CD177: variants seen among roughly 807,000 people sequenced by gnomAD.
CD177 encodes the protein CD177 molecule.
In CD177, 41 loss-of-function variants were observed where a neutral mutation model predicts 38.1. The observed-to-expected ratio is 1.07, with a 90% CI of 0.84 to 1.39. The LOEUF (loss-of-function observed/expected upper bound fraction) is 1.39. Ranked by LOEUF, CD177 falls within the 40% of genes most tolerant of loss-of-function variation. The pLI is 0.00. For synonymous variants in CD177, 236 were observed against 216.7 expected (o/e 1.09, Z -0.78); for missense variants, 619 against 523.8 (o/e 1.18, Z -1.77).
At chr19:43,354,462 G>C (rs1273165041) in intron 3 of CD177, 70 bp downstream of exon 3, 1 of 1,513,888 alleles carries the variant, frequency 6.6e-7, no homozygotes, top group African/African-American at 1.4e-5. Context: ...CAGAGGGGCT[G>C]TTACGGAGTC....
Position 43,353,709 on chromosome 19 carries a change from C to T in CD177, c.-6C>T, listed in dbSNP as rs369204118. ...GCAGAAAGAGATTACCAGCCACAGA[C>T]GGGTCATGAGCGCGGTATTACTGCT... On this transcript the variant is annotated 5_prime_UTR_variant, in exon 1 of 9. In the 5' UTR this introduces an upstream ATG that the reference lacks. Transcript: ENST00000618265. 3.7e-5 allele frequency: 60 copies of T among 1,613,816 alleles called. No individual in the cohort carries two copies. The highest frequency in any genetic ancestry group is 2.7e-4 in the East Asian group (12 of 44,842).
chr19:43,361,028 A>G (rs2122248040), intron 6 of CD177, 115 bp from the exon 7 acceptor site: 2 of 622,892 alleles, frequency 3.2e-6, no homozygotes, highest in African/African-American at 3.7e-5. Flanking sequence ...AGTTGTGATC[A>G]GGGCATTCAC....
intron 5 of CD177, 132 bp from the exon 6 acceptor site, chr19:43,360,133 G>C: frequency 9.2e-7 from 1 of 1,082,736 alleles, no homozygotes; most frequent in Admixed American, 2.5e-5. Flanking sequence ...CTGAATCCTT[G>C]GTTAAGGGAA....
chr19:43,354,610 G>C lies in CD177; in HGVS notation c.379+218G>C. On this transcript the variant is annotated intron_variant, in intron 3 of 8. Coordinates refer to ENST00000618265, the MANE Select transcript of CD177 (RefSeq NM_020406.4). ...TCCCTCCCACCGACCTGCCACCCGG[G>C]AATCCCCGCACCCCTCCTCTTCTAA... 3 of 600,878 alleles carry C rather than the reference G, an allele frequency of 5.0e-6. No individual in the cohort carries two copies. In the South Asian group the frequency reaches 5.9e-5, roughly 12 times the overall value. The allele number at this position is 600,878 out of a possible 1,614,324, so 37.2% of individuals were successfully genotyped here.
chr19:43,361,756 A>G (rs1216414020), intron 8 of CD177, among the ~76,000 whole-genome samples, 177 bp downstream of exon 8: 2 of 83,152 alleles, frequency 2.4e-5, no homozygotes, highest in African/African-American at 9.5e-5. Flanking sequence ...CTGAGGGAGG[A>G]GGCGCTGGGG....
intron 5 of CD177, 34 bp from the exon 6 acceptor site, chr19:43,360,231 T>G: frequency 6.2e-7 from 1 of 1,608,368 alleles, no homozygotes. Context: ...GGTGGGTTCC[T>G]GGCTTACACA....
At chr19:43,355,814 G>T in intron 4 of CD177, 31 bp downstream of exon 4, 2 of 1,612,640 alleles carry the variant, frequency 1.2e-6, no homozygotes, top group South Asian at 2.2e-5. Context: ...TCCCTGTGGG[G>T]ACTGAACTGG....
In CD177 at chr19:43,354,243, C is replaced by G; in HGVS notation, c.230C>G (p.Thr77Arg). 2.5e-6 allele frequency: 4 copies of G among 1,613,696 alleles called. No individual in the cohort carries two copies. The highest frequency in any genetic ancestry group is 3.4e-6 in the Non-Finnish European group (4 of 1,179,784). The change falls in exon 3 of 9, where the codon ACG (threonine) becomes AGG (arginine). Residue 77 changes from threonine (T) to arginine (R), a missense_variant. Physicochemically the swap from Thr to Arg is moderately conservative, Grantham distance 71. Transcript: ENST00000618265. ...AGCCTGGTGCTCTCCAAGGGCTGCA[C>G]GGAGGCCAAGGACCAGGAGCCCCGC... Reference protein sequence around the residue: ...QVSLVLSKGCTEAKDQEPRVT... With the variant: ...QVSLVLSKGCREAKDQEPRVT...
At position 43,360,409 on chromosome 19, in the gene CD177, C is replaced by A. The variant is rs749343349; in HGVS notation, c.760+4C>A. 4.4e-6 allele frequency: 7 copies of A among 1,590,282 alleles called. No individual in the cohort carries two copies. Among genetic ancestry groups the A allele is most frequent in the Non-Finnish European group, 6.0e-6 (7 of 1,168,480 alleles). On this transcript the variant is annotated splice_donor_region_variant and intron_variant, in intron 6 of 8. Transcript: ENST00000618265. ...ACGCTGCTGCTCCTAGATGTAGGTA[C>A]GTGGACTGAGGTAGAAGACGAACAC...
In CD177 at chr19:43,353,718, A is replaced by G. The variant is rs772492900; in HGVS notation, c.4A>G (p.Ser2Gly). The G allele has an allele frequency of 6.8e-6, 11 of 1,613,738 alleles. No homozygotes were observed. In the Admixed American group the frequency reaches 1.8e-4, roughly 27 times the overall value. M[S>G]AVLLLALLGF... The stretch of plus-strand genomic sequence containing the variant: ...GATTACCAGCCACAGACGGGTCATG[A>G]GCGCGGTATTACTGCTGGCCCTCCT... The change falls in exon 1 of 9, where the codon AGC becomes GGC. Residue 2 changes from serine (S) to glycine (G), a missense_variant. Physicochemically the swap from Ser to Gly is moderately conservative, Grantham distance 56. Coordinates refer to ENST00000618265, the MANE Select transcript of CD177 (RefSeq NM_020406.4).
chr19:43,354,555 C>T (rs1181703053), intron 3 of CD177, 163 bp downstream of exon 3: 55 of 696,260 alleles, frequency 7.9e-5, no homozygotes, highest in Admixed American at 2.2e-4. Context: ...CCGCCCCGCT[C>T]CCTTTCCATC....
At chr19:43,363,228 G>A (rs867748611), downstream of CD177, 24 of 150,000 alleles carry the variant, frequency 1.6e-4, no homozygotes, top group Non-Finnish European at 2.7e-4. Context: ...TAGCATCTGC[G>A]TATCGTGGGA....
Position 43,362,561 on chromosome 19 carries a change from C to T in CD177, c.*241C>T, listed in dbSNP as rs928851499. 1 of 396,730 alleles carries T rather than the reference C, an allele frequency of 2.5e-6. No individual in the cohort carries two copies. Among genetic ancestry groups the T allele is most frequent in the Middle Eastern group, 3.5e-4 (1 of 2,826 alleles). 24.6% of individuals were successfully genotyped at this position (396,730 alleles called of 1,614,324 possible). On this transcript the variant is annotated 3_prime_UTR_variant, in exon 9 of 9. Coordinates refer to ENST00000618265, the MANE Select transcript of CD177 (RefSeq NM_020406.4). Reference sequence around the variant, plus strand: ...GAGTGGCTGCATGTATCTGATAATACAGACCCTGTCCTTTCTCCCAGTGCT... The same window carrying T: ...GAGTGGCTGCATGTATCTGATAATATAGACCCTGTCCTTTCTCCCAGTGCT...
chr19:43,353,723 G>C lies in CD177; in HGVS notation c.9G>C (p.Ala3=). The part of the protein sequence containing the change: MS[A]VLLLALLGFI... ...CCAGCCACAGACGGGTCATGAGCGC[G>C]GTATTACTGCTGGCCCTCCTGGGGT... Residue 3 remains alanine, a synonymous_variant, in exon 1 of 9, where the codon GCG becomes GCC. Coordinates refer to ENST00000618265, the MANE Select transcript of CD177 (RefSeq NM_020406.4). The C allele has an allele frequency of 6.2e-7, 1 of 1,613,862 alleles. No homozygotes were observed. The highest frequency in any genetic ancestry group is 1.7e-4 in the Middle Eastern group (1 of 6,060).
intron 3 of CD177, chr19:43,354,600 T>G (rs1313085785): frequency 8.3e-6 from 5 of 599,988 alleles, no homozygotes; most frequent in Non-Finnish European, 5.9e-6. Flanking sequence ...CCCACCGACC[T>G]GCCACCCGGG....
downstream of CD177, among the ~76,000 whole-genome samples, chr19:43,363,875 C>T (rs530344294): frequency 6.6e-6 from 1 of 152,228 alleles, no homozygotes; most frequent in Admixed American, 6.5e-5. Flanking sequence ...ATCACTTGAG[C>T]CCAGGAGTTT....
At chr19:43,355,638 C>G in intron 3 of CD177, 23 bp from the exon 4 acceptor site, 1 of 1,612,292 alleles carries the variant, frequency 6.2e-7, no homozygotes, top group Non-Finnish European at 8.5e-7. Context: ...AGTGCCCCCT[C>G]ACTCTGTCTG....
downstream of CD177, among the ~76,000 whole-genome samples, chr19:43,365,775 C>T (rs1180586382): frequency 1.3e-5 from 2 of 151,784 alleles, no homozygotes; most frequent in African/African-American, 4.8e-5. Context: ...TGTATGAGGT[C>T]ACAGGGCTTC....
intron 8 of CD177, among the ~76,000 whole-genome samples, chr19:43,361,828 A>AGGGGATG (rs1420876601): frequency 4.9e-5 from 5 of 102,684 alleles, no homozygotes; most frequent in African/African-American, 1.9e-4. Flanking sequence ...CTGAGGGAGG[A>AGGGGATG]GGGGCTGGGG....
Sources: gnomAD v4.1 joint callset for allele counts (sites outside exome capture counted in the v4.1 genomes callset) on GRCh38, gnomAD v4.1.1 for gene constraint, MANE v1.5 for transcripts, NCBI Gene and HGNC (gene_info 2026-07-23, HGNC 2026-07-21) for gene names.